TRPC4: variants seen among roughly 807,000 people sequenced by gnomAD.
TRPC4 encodes the protein transient receptor potential cation channel subfamily C member 4.
A neutral mutation model predicts 99.4 loss-of-function variants in TRPC4; 49 were observed. The ratio of observed to expected loss-of-function variants is 0.49; its 90% confidence interval spans 0.39 to 0.63. The LOEUF (loss-of-function observed/expected upper bound fraction) is 0.63. TRPC4 is among the 20% of genes least tolerant of loss of function. The pLI is 0.00. For missense variants in TRPC4, 898 were observed against 1,152.9 expected (o/e 0.78, Z 3.20); for synonymous variants, 454 against 425.9 (o/e 1.07, Z -0.81).
chr13:37,838,834 GA>G (rs1958647953), intron 1 of TRPC4, among the ~76,000 whole-genome samples: 1 of 152,052 alleles, frequency 6.6e-6, no homozygotes. Flanking sequence ...GCTTTGCTGG[GA>G]GGTCTTGAGT....
At chr13:37,830,795 T>C (rs1413983457) in intron 1 of TRPC4, among the ~76,000 whole-genome samples, 1 of 103,196 alleles carries the variant, frequency 9.7e-6, no homozygotes, top group Non-Finnish European at 1.9e-5. Context: ...ATATAGTATA[T>C]ATTTTTTGTA....
chr13:37,640,835 A>G (rs933300262), intron 8 of TRPC4, among the ~76,000 whole-genome samples: 1 of 152,196 alleles, frequency 6.6e-6, no homozygotes, highest in African/African-American at 2.4e-5. Context: ...CATAAATATT[A>G]TAACAGAGAT....
intron 1 of TRPC4, among the ~76,000 whole-genome samples, chr13:37,864,497 A>C (rs1959609035): frequency 6.6e-6 from 1 of 151,722 alleles, no homozygotes; most frequent in Non-Finnish European, 1.5e-5. Flanking sequence ...CACAATTGGC[A>C]TCATTATATA....
chr13:37,668,494 G>A (rs1952726075), intron 5 of TRPC4, among the ~76,000 whole-genome samples: 1 of 152,120 alleles, frequency 6.6e-6, no homozygotes, highest in Non-Finnish European at 1.5e-5. Context: ...TTTTATAAAT[G>A]TATCTTGACA....
chr13:37,723,259 T>C (rs1275938273), intron 3 of TRPC4, among the ~76,000 whole-genome samples: 1 of 152,000 alleles, frequency 6.6e-6, no homozygotes, highest in African/African-American at 2.4e-5. Context: ...ACAAAAAACA[T>C]ACAAAAAATC....
intron 1 of TRPC4, among the ~76,000 whole-genome samples, chr13:37,834,949 G>A (rs969028118): frequency 6.6e-6 from 1 of 152,076 alleles, no homozygotes; most frequent in Admixed American, 6.6e-5. Context: ...TGGCCAGGCT[G>A]GTCTTGAACT....
At chr13:37,794,064 G>T (rs1313289895) in intron 1 of TRPC4, among the ~76,000 whole-genome samples, 1 of 151,990 alleles carries the variant, frequency 6.6e-6, no homozygotes, top group Non-Finnish European at 1.5e-5. Flanking sequence ...TACTGTCACA[G>T]GAAAATAATC....
chr13:37,807,123 A>G (rs1280923318), intron 1 of TRPC4, among the ~76,000 whole-genome samples: 3 of 152,050 alleles, frequency 2.0e-5, no homozygotes, highest in Non-Finnish European at 4.4e-5. Context: ...CCCTCTCTCT[A>G]TATTTGATAA....
intron 1 of TRPC4, among the ~76,000 whole-genome samples, chr13:37,785,222 T>G (rs879426430): frequency 3.3e-5 from 5 of 152,044 alleles, no homozygotes; most frequent in Admixed American, 6.6e-5. Flanking sequence ...ATTGCCCCCA[T>G]TTTTTGCATC....
chr13:37,653,303 G>A (rs999230891), intron 7 of TRPC4, among the ~76,000 whole-genome samples: 1 of 152,086 alleles, frequency 6.6e-6, no homozygotes, highest in Non-Finnish European at 1.5e-5. Flanking sequence ...GCAGTCTTTA[G>A]TTGGGGCCTA....
chr13:37,738,466 G>A lies in TRPC4; in HGVS notation c.897+7471C>T, dbSNP rs575220257. ...TGAAGTCACAGGTGAAACCCTAACCGATAATTTTAAGTAGTGCTCAGCCTT... is the reference window on the plus strand; with the variant it reads ...TGAAGTCACAGGTGAAACCCTAACCAATAATTTTAAGTAGTGCTCAGCCTT... On this transcript the variant is annotated intron_variant, in intron 3 of 10. Transcript: ENST00000379705. Among the ~76,000 whole-genome samples, 7 of 152,266 alleles carry A rather than the reference G, an allele frequency of 4.6e-5. No individual in the cohort carries two copies. In the South Asian group the frequency reaches 1.0e-3, roughly 23 times the overall value.
At position 37,635,592 on chromosome 13, in the gene TRPC4, G is replaced by A. The variant is rs61547984; in HGVS notation, c.*1311C>T. 0.011 allele frequency among the ~76,000 whole-genome samples: 1,736 copies of A among 152,162 alleles called. 28 individuals are homozygous for A. The highest frequency in any genetic ancestry group is 0.039 in the African/African-American group (1,626 of 41,510). On this transcript the variant is annotated 3_prime_UTR_variant, in exon 11 of 11. Coordinates refer to ENST00000379705, the MANE Select transcript of TRPC4 (RefSeq NM_016179.4). ...TAATTTTTGAAATAAAATGAACTTAGCATTTTTCTATTGATTTGAAATAAA... is the reference window on the plus strand; with the variant it reads ...TAATTTTTGAAATAAAATGAACTTAACATTTTTCTATTGATTTGAAATAAA...
chr13:37,796,748 C>T (rs1478498134), intron 1 of TRPC4, among the ~76,000 whole-genome samples: 1 of 151,686 alleles, frequency 6.6e-6, no homozygotes, highest in Non-Finnish European at 1.5e-5. Context: ...TGGCTCTCCT[C>T]CTCATTAAGG....
rs182826468 is a variant in TRPC4 at position 37,811,982 on chromosome 13, G to C, written c.-27-28622C>G. On this transcript the variant is annotated intron_variant, in intron 1 of 10. Coordinates refer to ENST00000379705, the MANE Select transcript of TRPC4 (RefSeq NM_016179.4). Reference sequence around the variant, plus strand: ...GGTCAAGACCAGCCAGGCCAACATGGCAAAACACCGTCTCTACTAAAAATA... The same window carrying C: ...GGTCAAGACCAGCCAGGCCAACATGCCAAAACACCGTCTCTACTAAAAATA... Among the ~76,000 whole-genome samples, 449 of 151,954 alleles carry C rather than the reference G, an allele frequency of 3.0e-3. 3 individuals are homozygous for C. Among genetic ancestry groups the C allele is most frequent in the Non-Finnish European group, 4.9e-3 (335 of 67,946 alleles).
chr13:37,731,808 G>A (rs964997286), intron 3 of TRPC4, among the ~76,000 whole-genome samples: 37 of 152,008 alleles, frequency 2.4e-4, no homozygotes, highest in African/African-American at 8.0e-4. Context: ...AAATATTATC[G>A]AAGTAGTACG....
chr13:37,714,900 A>T (rs1293944461), intron 3 of TRPC4, among the ~76,000 whole-genome samples: 1 of 152,220 alleles, frequency 6.6e-6, no homozygotes, highest in Non-Finnish European at 1.5e-5. Flanking sequence ...ACTGCTAGTT[A>T]CACAAGGGCA....
chr13:37,706,223 G>T (rs1271000648), intron 3 of TRPC4, among the ~76,000 whole-genome samples: 1 of 152,094 alleles, frequency 6.6e-6, no homozygotes, highest in Admixed American at 6.6e-5. Context: ...AAGGCTTATG[G>T]GTTTATTTAG....
intron 4 of TRPC4, among the ~76,000 whole-genome samples, chr13:37,680,178 G>A (rs1297412206): frequency 6.6e-6 from 1 of 152,184 alleles, no homozygotes. Flanking sequence ...ACTTTGGGAA[G>A]GAGGTATAAA....
intron 3 of TRPC4, among the ~76,000 whole-genome samples, chr13:37,744,559 A>AATG (rs1955683761): frequency 6.6e-6 from 1 of 152,160 alleles, no homozygotes; most frequent in Non-Finnish European, 1.5e-5. Flanking sequence ...AACTAATCAC[A>AATG]CAACTAGAGG....
Sources: gnomAD v4.1 joint callset for allele counts (sites outside exome capture counted in the v4.1 genomes callset) on GRCh38, gnomAD v4.1.1 for gene constraint, MANE v1.5 for transcripts, NCBI Gene and HGNC (gene_info 2026-07-23, HGNC 2026-07-21) for gene names.